Variants in RBM41 observed in about 807,000 individuals in gnomAD.
RBM41 encodes the protein RNA-binding protein 41.
A neutral mutation model predicts 30.8 loss-of-function variants in RBM41; 14 were observed. The observed-to-expected ratio is 0.45, with a 90% CI of 0.30 to 0.71. The LOEUF (loss-of-function observed/expected upper bound fraction) is 0.71, where lower values mean the gene tolerates loss of function less well. Ranked by LOEUF, RBM41 falls within the 30% of genes least tolerant of loss-of-function variation. The pLI is 0.08. For missense variants in RBM41, 276 were observed against 326.3 expected (o/e 0.85, Z 1.19); for synonymous variants, 120 against 110.1 (o/e 1.09, Z -0.56).
chrX:107,072,563 T>C (rs964836592), intron 6 of RBM41, among the ~76,000 whole-genome samples: 8 of 111,317 alleles, frequency 7.2e-5, no homozygotes, highest in African/African-American at 2.3e-4. Context: ...AAAATGACCA[T>C]ACTATCCAAA....
chrX:107,074,984 G>A (rs1214836520), intron 6 of RBM41, among the ~76,000 whole-genome samples: 1 of 111,382 alleles, frequency 9.0e-6, no homozygotes, highest in Non-Finnish European at 1.9e-5. Context: ...AAAGCTAGAG[G>A]CCATACACTT....
intron 5 of RBM41, among the ~76,000 whole-genome samples, chrX:107,094,865 T>C (rs747814176): frequency 9.0e-6 from 1 of 111,097 alleles, no homozygotes; most frequent in Non-Finnish European, 1.9e-5. Context: ...AGAAATGCAG[T>C]CCTGTTGACA....
chrX:107,092,055 A>C (rs1231467940), intron 5 of RBM41, among the ~76,000 whole-genome samples: 1 of 112,066 alleles, frequency 8.9e-6, no homozygotes, highest in East Asian at 2.8e-4. Flanking sequence ...GCTGAGACAA[A>C]GGGCAAATGT....
intron 5 of RBM41, among the ~76,000 whole-genome samples, chrX:107,111,363 C>T (rs778469676): frequency 3.3e-4 from 37 of 110,826 alleles, no homozygotes; most frequent in East Asian, 1.1e-3. Context: ...CCCATTAGGA[C>T]GGCTATTATT....
At chrX:107,059,843 T>C (rs1015826965), downstream of RBM41, among the ~76,000 whole-genome samples, 4 of 112,044 alleles carry the variant, frequency 3.6e-5, no homozygotes, top group Non-Finnish European at 7.5e-5. Flanking sequence ...CTTAGCAACA[T>C]TTAGTGTTAT....
In RBM41 at chrX:107,065,451, A is replaced by AT. The variant is rs1935799285; in HGVS notation, c.*2075dup. The stretch of plus-strand genomic sequence containing the variant: ...CTTAACTAAACAGAATAGGCTTCAG[A>AT]TAAACACTAACTTAATTCCAATGTA... On this transcript the variant is annotated 3_prime_UTR_variant, in exon 8 of 8. Transcript: ENST00000685964. 5.7e-6 allele frequency: 1 copy of AT among 174,141 alleles called. No homozygotes were observed. Among genetic ancestry groups the AT allele is most frequent in the Admixed American group, 7.9e-5 (1 of 12,617 alleles). 14.4% of individuals were successfully genotyped at this position (174,141 alleles called of 1,213,427 possible).
chrX:107,087,247 A>G (rs1053530953), intron 6 of RBM41, among the ~76,000 whole-genome samples: 1 of 111,925 alleles, frequency 8.9e-6, no homozygotes, highest in African/African-American at 3.2e-5. Context: ...TATTCTATAT[A>G]ACTTTTGGTA....
chrX:107,083,766 T>C (rs1488040527), intron 6 of RBM41, among the ~76,000 whole-genome samples: 1 of 111,395 alleles, frequency 9.0e-6, no homozygotes, highest in Non-Finnish European at 1.9e-5. Flanking sequence ...AGAGTTTCTC[T>C]CTGTTTAGAT....
At chrX:107,081,085 T>C (rs1463088673) in intron 6 of RBM41, among the ~76,000 whole-genome samples, 2 of 112,022 alleles carry the variant, frequency 1.8e-5, no homozygotes, top group Non-Finnish European at 3.8e-5. Flanking sequence ...ATCTGATAAA[T>C]ACATCATCAA....
rs761307924 is a variant in RBM41 at position 107,067,582 on chromosome X, G to A, written c.1259C>T (p.Ala420Val). Residue 420 changes from alanine (A) to valine (V), a missense_variant, in exon 8 of 8, where the codon GCG becomes GTG. Ala to Val is a moderately conservative substitution (Grantham distance 64, BLOSUM62 0). Coordinates refer to ENST00000685964, the MANE Select transcript of RBM41 (RefSeq NM_001324242.2). ...TGTAGCACATGATATGAGAGAAGTC[G>A]CTTGGAGATTTGACCGTTGCTTTTT... The part of the protein sequence containing the change: ...KNKKQRSNLQ[A>V]TSLISCATGS... The A allele has an allele frequency of 1.5e-5, 18 of 1,208,633 alleles. No individual in the cohort carries two copies. The African/African-American group carries it at 2.5e-4, about 16-fold the overall frequency.
downstream of RBM41, among the ~76,000 whole-genome samples, chrX:107,059,315 A>G (rs1467031470): frequency 9.2e-6 from 1 of 109,148 alleles, no homozygotes; most frequent in Non-Finnish European, 1.9e-5. Flanking sequence ...CAGGTAGGGG[A>G]ACAACACACA....
intron 5 of RBM41, among the ~76,000 whole-genome samples, chrX:107,092,889 T>C (rs928836450): frequency 9.0e-6 from 1 of 111,714 alleles, no homozygotes; most frequent in African/African-American, 3.3e-5. Context: ...TAGGCATATA[T>C]GCACCAGGAC....
intron 6 of RBM41, among the ~76,000 whole-genome samples, chrX:107,077,006 G>C (rs1936251190): frequency 8.9e-6 from 1 of 111,921 alleles, no homozygotes; most frequent in Admixed American, 9.4e-5. Flanking sequence ...TGGAATAATT[G>C]ACTTGCCTAT....
intron 6 of RBM41, among the ~76,000 whole-genome samples, 197 bp downstream of exon 6, chrX:107,088,239 G>A (rs1252675804): frequency 1.8e-5 from 2 of 111,893 alleles, no homozygotes; most frequent in Non-Finnish European, 3.8e-5. Flanking sequence ...CCTTAGCAAA[G>A]TACCAAGAAC....
rs1173297241 is a variant in RBM41, at chrX:107,088,951, G to A, written c.596-112C>T. On this transcript the variant is annotated intron_variant, in intron 5 of 7. Coordinates refer to ENST00000685964, the MANE Select transcript of RBM41 (RefSeq NM_001324242.2). ...CAGATAAAGAAACACTGCTGGGGCAGGTCTTTACAACCTGTGACAAATGAC... is the reference window on the plus strand; with the variant it reads ...CAGATAAAGAAACACTGCTGGGGCAAGTCTTTACAACCTGTGACAAATGAC... 1.3e-5 allele frequency: 13 copies of A among 1,001,051 alleles called. No homozygotes were observed. In the African/African-American group the frequency reaches 2.3e-4, roughly 18 times the overall value. 82.5% of individuals were successfully genotyped at this position (1,001,051 alleles called of 1,213,427 possible).
At chrX:107,082,623 G>T (rs1921633664) in intron 6 of RBM41, among the ~76,000 whole-genome samples, 1 of 110,830 alleles carries the variant, frequency 9.0e-6, no homozygotes, top group Non-Finnish European at 1.9e-5. Context: ...TAAAAAATGA[G>T]TATTATTTTA....
chrX:107,060,140 T>C (rs903712960), downstream of RBM41, among the ~76,000 whole-genome samples: 6 of 109,598 alleles, frequency 5.5e-5, no homozygotes, highest in Non-Finnish European at 1.1e-4. Flanking sequence ...AACAAAACAA[T>C]GACAATATTA....
intron 6 of RBM41, among the ~76,000 whole-genome samples, chrX:107,070,683 T>A (rs1319269181): frequency 1.8e-5 from 2 of 111,224 alleles, no homozygotes; most frequent in Non-Finnish European, 3.8e-5. Context: ...CAACAAACCA[T>A]AACTAATATC....
At chrX:107,081,721 C>T (rs1921539713) in intron 6 of RBM41, among the ~76,000 whole-genome samples, 1 of 112,050 alleles carries the variant, frequency 8.9e-6, no homozygotes, top group Admixed American at 9.5e-5. Flanking sequence ...AGAACCTGTA[C>T]ATACTTTGTT....
Sources: allele counts gnomAD v4.1 joint callset (sites outside exome capture counted in the v4.1 genomes callset), GRCh38; gene constraint gnomAD v4.1.1; transcripts MANE v1.5; gene names NCBI Gene and HGNC (gene_info 2026-07-23, HGNC 2026-07-21).